STK3: variants seen among roughly 807,000 people sequenced by gnomAD.
The protein encoded by STK3 is serine/threonine-protein kinase 3.
STK3 carries 41 observed loss-of-function variants against 58.0 expected under a neutral mutation model. The observed-to-expected ratio is 0.71, with a 90% CI of 0.55 to 0.92. The LOEUF (loss-of-function observed/expected upper bound fraction) is 0.92, where lower values mean the gene tolerates loss of function less well. Ranked by LOEUF, STK3 falls within the 40% of genes least tolerant of loss-of-function variation. The pLI is 0.00. For synonymous variants in STK3, 170 were observed against 191.0 expected, an observed-to-expected ratio of 0.89 and a Z score of 0.91; for missense variants, 479 against 602.7, an observed-to-expected ratio of 0.79 and a Z score of 2.15.
chr8:98,604,363 C>T (rs1426059350), intron 6 of STK3, among the ~76,000 whole-genome samples: 1 of 152,168 alleles, frequency 6.6e-6, no homozygotes, highest in East Asian at 1.9e-4. Context: ...TCCCTATGGC[C>T]CTGCAGGGTT....
intron 7 of STK3, among the ~76,000 whole-genome samples, chr8:98,585,724 A>G (rs1814495312): frequency 6.6e-6 from 1 of 152,080 alleles, no homozygotes; most frequent in African/African-American, 2.4e-5. Flanking sequence ...CTTCCTACCC[A>G]TGAGCATGGA....
At chr8:98,537,961 G>A (rs896738398) in intron 9 of STK3, among the ~76,000 whole-genome samples, 5 of 151,948 alleles carry the variant, frequency 3.3e-5, no homozygotes. Context: ...TTCCTAATTT[G>A]CACATCTTCT....
At chr8:98,885,490 A>C (rs991894597) in intron 1 of STK3, among the ~76,000 whole-genome samples, 1 of 152,134 alleles carries the variant, frequency 6.6e-6, no homozygotes, top group Admixed American at 6.6e-5. Context: ...CCCAGGCTGG[A>C]GTGCAATGGC....
intron 1 of STK3, among the ~76,000 whole-genome samples, chr8:98,445,839 T>C (rs1038117500): frequency 2.6e-5 from 4 of 152,194 alleles, no homozygotes; most frequent in Admixed American, 2.6e-4. Context: ...TATTTCTAGA[T>C]ATTTATTAAA....
chr8:98,607,140 G>C (rs1258157041), intron 6 of STK3, among the ~76,000 whole-genome samples: 1 of 152,134 alleles, frequency 6.6e-6, no homozygotes, highest in East Asian at 1.9e-4. Flanking sequence ...TTCAAACATA[G>C]CAAAATAGTG....
chr8:98,891,958 G>C (rs2131925684), intron 1 of STK3, among the ~76,000 whole-genome samples: 1 of 152,192 alleles, frequency 6.6e-6, no homozygotes, highest in Non-Finnish European at 1.5e-5. Context: ...CATGACAAAA[G>C]ACCTCCCTAT....
At chr8:98,681,664 T>C (rs1823654270) in intron 6 of STK3, among the ~76,000 whole-genome samples, 1 of 152,040 alleles carries the variant, frequency 6.6e-6, no homozygotes, top group Admixed American at 6.6e-5. Flanking sequence ...GTAATGAAAT[T>C]CAGCAGCTAA....
At chr8:98,827,211 G>C (rs1223009678), upstream of STK3, among the ~76,000 whole-genome samples, 1 of 150,902 alleles carries the variant, frequency 6.6e-6, no homozygotes, top group Non-Finnish European at 1.5e-5. Context: ...TGATGCGCCT[G>C]TACTCCCAGC....
intron 1 of STK3, among the ~76,000 whole-genome samples, chr8:98,445,592 T>C (rs2131106000): frequency 6.6e-6 from 1 of 152,330 alleles, no homozygotes; most frequent in African/African-American, 2.4e-5. Context: ...TTATTATGTT[T>C]TATGCATCCT....
intron 10 of STK3, among the ~76,000 whole-genome samples, chr8:98,457,185 C>CAT (rs1819558254): frequency 6.6e-6 from 1 of 152,128 alleles, no homozygotes; most frequent in Non-Finnish European, 1.5e-5. Flanking sequence ...AATATTATGC[C>CAT]ATAAAACATA....
intron 8 of STK3, among the ~76,000 whole-genome samples, chr8:98,553,153 C>A (rs1165017556): frequency 1.3e-5 from 2 of 152,072 alleles, no homozygotes; most frequent in East Asian, 1.9e-4. Flanking sequence ...ATTTAACATA[C>A]AACAGATACA....
intron 1 of STK3, among the ~76,000 whole-genome samples, chr8:98,783,712 A>C (rs1032938196): frequency 4.6e-5 from 7 of 152,260 alleles, no homozygotes; most frequent in African/African-American, 1.7e-4. Context: ...TCAAAATTGG[A>C]ATCAATCCTC....
chr8:98,577,722 G>A (rs1813529924), intron 8 of STK3, among the ~76,000 whole-genome samples: 1 of 152,038 alleles, frequency 6.6e-6, no homozygotes, highest in Non-Finnish European at 1.5e-5. Flanking sequence ...AAGAAACCCT[G>A]AGAATGAATC....
intron 6 of STK3, among the ~76,000 whole-genome samples, chr8:98,599,413 C>T (rs1232885869): frequency 1.3e-5 from 2 of 151,998 alleles, no homozygotes; most frequent in Non-Finnish European, 2.9e-5. Flanking sequence ...AGTTCTAAAT[C>T]ACTACCTGAC....
At chr8:98,738,544 G>C (rs1828832393) in intron 4 of STK3, among the ~76,000 whole-genome samples, 1 of 151,938 alleles carries the variant, frequency 6.6e-6, no homozygotes, top group Admixed American at 6.6e-5. Context: ...ACAAAGACAA[G>C]GGAATTGCAT....
downstream of STK3, among the ~76,000 whole-genome samples, chr8:98,400,853 C>G (rs1019744893): frequency 6.6e-6 from 1 of 152,130 alleles, no homozygotes; most frequent in Admixed American, 6.5e-5. Flanking sequence ...CCCTCAACAT[C>G]TGTGAAATGT....
chr8:98,566,234 G>A (rs1812471668), intron 8 of STK3, among the ~76,000 whole-genome samples: 1 of 151,820 alleles, frequency 6.6e-6, no homozygotes, highest in South Asian at 2.1e-4. Context: ...GTTACCCAGG[G>A]CACAGGTGTA....
chr8:98,520,070 A>G (rs1375963316), intron 10 of STK3, among the ~76,000 whole-genome samples: 2 of 152,150 alleles, frequency 1.3e-5, no homozygotes, highest in East Asian at 3.8e-4. Flanking sequence ...CATTATCTAC[A>G]TGCTCTCTAT....
chr8:98,746,365 T>A (rs1829640724), intron 4 of STK3, among the ~76,000 whole-genome samples: 1 of 152,124 alleles, frequency 6.6e-6, no homozygotes. Flanking sequence ...GATTAACATT[T>A]AAAAGATTAG....
Sources: allele counts gnomAD v4.1 joint callset (sites outside exome capture counted in the v4.1 genomes callset), GRCh38; gene constraint gnomAD v4.1.1; transcripts MANE v1.5; gene names NCBI Gene and HGNC (gene_info 2026-07-23, HGNC 2026-07-21).